The following DSE variants were observed in gnomAD, a reference collection of about 807,000 sequenced individuals.
The protein encoded by DSE is dermatan sulfate epimerase, also known as dermatan-sulfate epimerase.
DSE carries 36 observed loss-of-function variants against 84.4 expected under a neutral mutation model. That is an observed-to-expected ratio of 0.43 (90% CI 0.33 to 0.56). DSE has a LOEUF of 0.56. DSE is among the 20% of genes least tolerant of loss of function. DSE has a pLI of 0.06. For missense variants in DSE, 862 were observed against 1,169.6 expected (o/e 0.74, Z 3.84); for synonymous variants, 410 against 430.1 (o/e 0.95, Z 0.58).
At chr6:116,374,900 G>T (rs1256525127) in intron 1 of DSE, among the ~76,000 whole-genome samples, 1 of 152,172 alleles carries the variant, frequency 6.6e-6, no homozygotes, top group Non-Finnish European at 1.5e-5. Flanking sequence ...CACATTGGAG[G>T]TAAAGTTTCA....
chr6:116,424,939 T>C (rs1783332703), intron 2 of DSE, among the ~76,000 whole-genome samples: 1 of 152,198 alleles, frequency 6.6e-6, no homozygotes, highest in African/African-American at 2.4e-5. Flanking sequence ...ATCTTAACTT[T>C]TACTAACTTT....
At chr6:116,330,085 A>G (rs1776849428) in intron 2 of DSE, among the ~76,000 whole-genome samples, 1 of 152,166 alleles carries the variant, frequency 6.6e-6, no homozygotes, top group Non-Finnish European at 1.5e-5. Context: ...TCGGCCTCCC[A>G]AAGTGCTGGG....
chr6:116,403,403 T>C (rs940887585), intron 2 of DSE, among the ~76,000 whole-genome samples: 3 of 151,468 alleles, frequency 2.0e-5, no homozygotes, highest in Admixed American at 6.6e-5. Context: ...ATAATTTTAA[T>C]TTAATAAATT....
intron 2 of DSE, among the ~76,000 whole-genome samples, chr6:116,341,056 A>G (rs967734726): frequency 2.0e-5 from 3 of 152,226 alleles, no homozygotes; most frequent in African/African-American, 7.2e-5. Flanking sequence ...TCCTTGAGGA[A>G]TCACCACACT....
intron 2 of DSE, among the ~76,000 whole-genome samples, chr6:116,332,374 T>TTGTGTG (rs67724248): frequency 0.19 from 29,147 of 150,272 alleles, 2,942 homozygotes; most frequent in East Asian, 0.28. Context: ...CCCAGTTGGT[T>TTGTGTG]TGTGTGTGTG....
At chr6:116,322,486 G>C (rs910969043) in intron 2 of DSE, among the ~76,000 whole-genome samples, 1 of 152,076 alleles carries the variant, frequency 6.6e-6, no homozygotes, top group South Asian at 2.1e-4. Context: ...AGGGAGCAGA[G>C]CCTCTGCCAC....
At chr6:116,376,061 G>T (rs1199831089) in intron 1 of DSE, among the ~76,000 whole-genome samples, 1 of 152,084 alleles carries the variant, frequency 6.6e-6, no homozygotes, top group African/African-American at 2.4e-5. Context: ...TTATTTTCCT[G>T]TTGTCTACTT....
chr6:116,261,415 G>A (rs972464003), intron 2 of DSE, among the ~76,000 whole-genome samples: 1 of 152,016 alleles, frequency 6.6e-6, no homozygotes, highest in African/African-American at 2.4e-5. Context: ...TTGGCCCTCA[G>A]CTTGACTGTT....
At chr6:116,296,774 A>G (rs560995148) in intron 2 of DSE, among the ~76,000 whole-genome samples, 1 of 152,320 alleles carries the variant, frequency 6.6e-6, no homozygotes, top group South Asian at 2.1e-4. Flanking sequence ...AAAGGCTATA[A>G]GGAAGCTGGA....
chr6:116,333,930 C>T (rs944912054), intron 2 of DSE, among the ~76,000 whole-genome samples: 8 of 152,162 alleles, frequency 5.3e-5, no homozygotes, highest in African/African-American at 1.7e-4. Flanking sequence ...CATGAATGCA[C>T]CACTCCACTC....
intron 2 of DSE, among the ~76,000 whole-genome samples, chr6:116,291,599 T>C (rs1774283490): frequency 6.6e-6 from 1 of 151,198 alleles, no homozygotes; most frequent in Non-Finnish European, 1.5e-5. Flanking sequence ...ATTATATATA[T>C]ACATATTTGT....
At chr6:116,417,270 G>A (rs1782775733) in intron 2 of DSE, among the ~76,000 whole-genome samples, 2 of 152,130 alleles carry the variant, frequency 1.3e-5, no homozygotes, top group Admixed American at 6.5e-5. Flanking sequence ...ATTATGTTTG[G>A]GTGGCATGCT....
At chr6:116,389,730 A>G (rs1780775203) in intron 1 of DSE, among the ~76,000 whole-genome samples, 1 of 152,116 alleles carries the variant, frequency 6.6e-6, no homozygotes. Flanking sequence ...TTAGTCAGTA[A>G]TGCTACAAAA....
chr6:116,328,638 C>A (rs936790737), intron 2 of DSE, among the ~76,000 whole-genome samples: 1 of 152,200 alleles, frequency 6.6e-6, no homozygotes, highest in Non-Finnish European at 1.5e-5. Flanking sequence ...TGTAATGATT[C>A]AAGCAAGCCC....
intron 4 of DSE, 166 bp from the exon 5 acceptor site, chr6:116,433,177 A>G (rs1783949615): frequency 2.9e-6 from 2 of 681,514 alleles, no homozygotes; most frequent in Admixed American, 5.8e-5. Context: ...AGGGATTCTG[A>G]CTAACTGGTC....
At chr6:116,304,142 GA>G (rs375046495) in intron 2 of DSE, among the ~76,000 whole-genome samples, 3 of 149,876 alleles carry the variant, frequency 2.0e-5, no homozygotes, top group South Asian at 2.1e-4. Context: ...AAAAAAGAAA[GA>G]AAAAAACAGA....
At chr6:116,294,128 A>G (rs1049010853) in intron 2 of DSE, among the ~76,000 whole-genome samples, 6 of 152,016 alleles carry the variant, frequency 3.9e-5, no homozygotes, top group African/African-American at 1.4e-4. Context: ...GGCTCAAGCA[A>G]TCCTCCCACC....
chr6:116,318,521 A>AAGGG (rs111345788), intron 2 of DSE, among the ~76,000 whole-genome samples: 1 of 150,930 alleles, frequency 6.6e-6, no homozygotes, highest in Non-Finnish European at 1.5e-5. Flanking sequence ...AAAAAAAAGA[A>AAGGG]AGAGAAGAAG....
At chr6:116,417,568 A>G (rs988722779) in intron 2 of DSE, among the ~76,000 whole-genome samples, 2 of 152,156 alleles carry the variant, frequency 1.3e-5, no homozygotes, top group African/African-American at 4.8e-5. Flanking sequence ...TATTTGGGAT[A>G]TTGAATTCAC....
Sources: allele counts gnomAD v4.1 joint callset (sites outside exome capture counted in the v4.1 genomes callset), GRCh38; gene constraint gnomAD v4.1.1; transcripts MANE v1.5; gene names NCBI Gene and HGNC (gene_info 2026-07-23, HGNC 2026-07-21).